HHAT: variants seen among roughly 807,000 people sequenced by gnomAD.
HHAT encodes the protein protein-cysteine N-palmitoyltransferase HHAT.
HHAT carries 47 observed loss-of-function variants against 70.8 expected under a neutral mutation model. The observed-to-expected ratio is 0.66, with a 90% confidence interval of 0.53 to 0.85. The LOEUF (loss-of-function observed/expected upper bound fraction) is 0.85. HHAT is among the 40% of genes least tolerant of loss of function. The pLI is 0.00. For synonymous variants in HHAT, 228 were observed against 247.6 expected, an observed-to-expected ratio of 0.92 and a Z score of 0.74; for missense variants, 609 against 604.8, an observed-to-expected ratio of 1.01 and a Z score of -0.07.
At position 210,404,447 on chromosome 1, in the gene HHAT, TC is replaced by T. The variant is rs1558447813; in HGVS notation, c.469-15del. On this transcript the variant is annotated splice_polypyrimidine_tract_variant and intron_variant, in intron 5 of 11. Coordinates refer to ENST00000261458, the MANE Select transcript of HHAT (RefSeq NM_018194.6). ...TGCTGGCCACTCAAAGGTTGTTCTC[TC>T]CTTTTGATTTTGTAGAGAAGGTGGT... 1 of 1,597,538 alleles carries T rather than the reference TC, an allele frequency of 6.3e-7. No homozygotes were observed. The highest frequency in any genetic ancestry group is 8.6e-7 in the Non-Finnish European group (1 of 1,166,632).
intron 10 of HHAT, among the ~76,000 whole-genome samples, chr1:210,607,597 C>T (rs1665746246): frequency 6.6e-6 from 1 of 152,188 alleles, no homozygotes; most frequent in South Asian, 2.1e-4. Flanking sequence ...CCCCCAGTAC[C>T]ATGAGCAGCT....
At chr1:210,377,623 T>C (rs2090328939) in intron 3 of HHAT, among the ~76,000 whole-genome samples, 1 of 152,232 alleles carries the variant, frequency 6.6e-6, no homozygotes, top group Admixed American at 6.5e-5. Context: ...AGGATGTTAC[T>C]GAGTTTAGGT....
intron 9 of HHAT, among the ~76,000 whole-genome samples, chr1:210,564,620 T>TA (rs1481850198): frequency 5.3e-5 from 8 of 152,208 alleles, no homozygotes; most frequent in South Asian, 2.1e-4. Context: ...TTCTGGATTT[T>TA]AAAAAATACT....
chr1:210,425,331 T>C (rs944236495), intron 7 of HHAT, among the ~76,000 whole-genome samples: 2 of 152,246 alleles, frequency 1.3e-5, no homozygotes, highest in African/African-American at 2.4e-5. Context: ...TGTTTTGCTG[T>C]GCAGAAGCTC....
intron 11 of HHAT, among the ~76,000 whole-genome samples, chr1:210,668,755 A>G (rs971541162): frequency 5.3e-5 from 8 of 151,948 alleles, no homozygotes; most frequent in Admixed American, 3.9e-4. Flanking sequence ...GTACCATTTC[A>G]TATTACCTTT....
Position 210,659,242 on chromosome 1 carries a change from G to A in HHAT, c.1391-15046G>A, listed in dbSNP as rs1054309913. Among the ~76,000 whole-genome samples, 5 of 152,152 alleles carry A rather than the reference G, an allele frequency of 3.3e-5. 1 individual carries two copies. The highest frequency in any genetic ancestry group is 1.2e-4 in the African/African-American group (5 of 41,446). On this transcript the variant is annotated intron_variant, in intron 11 of 11. Coordinates refer to ENST00000261458, the MANE Select transcript of HHAT (RefSeq NM_018194.6). ...GAATCAAATAGATGCAATAACAAAT[G>A]ATAAAGGGGATATCACCACTGATTC...
At chr1:210,603,756 A>C (rs2148825224) in intron 10 of HHAT, among the ~76,000 whole-genome samples, 1 of 152,298 alleles carries the variant, frequency 6.6e-6, no homozygotes, top group Non-Finnish European at 1.5e-5. Context: ...TCCAAAATAA[A>C]ATTCTTCTAA....
intron 11 of HHAT, among the ~76,000 whole-genome samples, chr1:210,645,184 G>A (rs1247364828): frequency 1.3e-5 from 2 of 152,136 alleles, no homozygotes; most frequent in Non-Finnish European, 2.9e-5. Context: ...CAGGCTTGCC[G>A]TCACACCTAG....
chr1:210,569,373 C>CAA (rs71146233), intron 9 of HHAT, among the ~76,000 whole-genome samples: 4,095 of 28,270 alleles, frequency 0.14, 1,253 homozygotes, highest in Non-Finnish European at 0.19. Flanking sequence ...GAGTCTGCCT[C>CAA]AAAAAAAAAA....
intron 2 of HHAT, among the ~76,000 whole-genome samples, chr1:210,356,928 C>T (rs1197229306): frequency 2.0e-5 from 3 of 152,194 alleles, no homozygotes; most frequent in Admixed American, 6.5e-5. Flanking sequence ...ACCAGGGGCC[C>T]TTCAGTTTAC....
At chr1:210,379,259 C>CCATA (rs1186737489) in intron 3 of HHAT, among the ~76,000 whole-genome samples, 1 of 152,204 alleles carries the variant, frequency 6.6e-6, no homozygotes, top group Non-Finnish European at 1.5e-5. Context: ...GTCTCACAGA[C>CCATA]CATACATTGT....
chr1:210,382,575 A>G (rs935158385), intron 3 of HHAT, among the ~76,000 whole-genome samples: 1 of 152,176 alleles, frequency 6.6e-6, no homozygotes, highest in Admixed American at 6.5e-5. Flanking sequence ...CCAGAGAGAA[A>G]ATACAGGAAT....
chr1:210,629,568 C>G (rs6683486), intron 11 of HHAT, among the ~76,000 whole-genome samples: 144,966 of 152,322 alleles, frequency 0.95, 69,373 homozygotes, highest in East Asian at 1. Context: ...TCTTACAGTT[C>G]CGAGGACCAG....
intron 7 of HHAT, among the ~76,000 whole-genome samples, chr1:210,421,174 C>G (rs903869125): frequency 6.6e-6 from 1 of 151,994 alleles, no homozygotes; most frequent in African/African-American, 2.4e-5. Flanking sequence ...TCCTGAATAG[C>G]CAAAGCAATC....
intron 11 of HHAT, among the ~76,000 whole-genome samples, chr1:210,636,204 T>TG (rs1296681522): frequency 6.6e-6 from 1 of 152,210 alleles, no homozygotes; most frequent in African/African-American, 2.4e-5. Context: ...AGGCCTAGTG[T>TG]GAAGGTATCT....
chr1:210,622,455 A>C (rs12759251), intron 10 of HHAT, among the ~76,000 whole-genome samples: 2 of 152,168 alleles, frequency 1.3e-5, no homozygotes, highest in African/African-American at 4.8e-5. Context: ...ACACTCCAGC[A>C]CAGCGACCTC....
chr1:210,389,278 T>C (rs2091290154), intron 4 of HHAT, among the ~76,000 whole-genome samples: 1 of 152,236 alleles, frequency 6.6e-6, no homozygotes, highest in Admixed American at 6.5e-5. Context: ...TCACCACATC[T>C]GGTGAGGGCC....
chr1:210,456,217 C>T (rs1470319973), intron 7 of HHAT, among the ~76,000 whole-genome samples: 1 of 152,196 alleles, frequency 6.6e-6, no homozygotes. Flanking sequence ...TCTGTTCTTG[C>T]TTCATTTTAC....
chr1:210,600,019 C>A (rs1663886371), intron 10 of HHAT, among the ~76,000 whole-genome samples: 1 of 152,170 alleles, frequency 6.6e-6, no homozygotes, highest in Admixed American at 6.5e-5. Context: ...CCTTCCCCTC[C>A]ACCCCTATTC....
Sources: gnomAD v4.1 joint callset for allele counts (sites outside exome capture counted in the v4.1 genomes callset) on GRCh38, gnomAD v4.1.1 for gene constraint, MANE v1.5 for transcripts, NCBI Gene and HGNC (gene_info 2026-07-23, HGNC 2026-07-21) for gene names.